SLF2: variants seen among roughly 807,000 people sequenced by gnomAD.
The protein encoded by SLF2 is SMC5/6 complex localization factor 2.
In SLF2, 68 loss-of-function variants were observed where a neutral mutation model predicts 124.3. The ratio of observed to expected loss-of-function variants is 0.55; its 90% CI spans 0.45 to 0.67. SLF2 has a LOEUF of 0.67. Among genes scored for constraint, SLF2 ranks in the 30% least tolerant of loss-of-function variants. The probability of loss-of-function intolerance (pLI) is 0.00; values close to 1 mark genes in which losing one functional copy is unlikely to be tolerated. For synonymous variants in SLF2, 480 were observed against 478.8 expected (o/e 1.00, Z -0.03); for missense variants, 1,246 against 1,373.7 (o/e 0.91, Z 1.47).
Position 100,961,990 on chromosome 10 carries a change from AC to A in SLF2, c.*79del. On this transcript the variant is annotated 3_prime_UTR_variant, in exon 20 of 20. Transcript: ENST00000238961. ...TCATAGAGGAGTAGAAAGGATTATT[AC>A]AGAATCCAATGAATGCCAAGAAAAT... The A allele has an allele frequency of 7.6e-7, 1 of 1,316,260 alleles. No homozygotes were observed. Among genetic ancestry groups the A allele is most frequent in the Non-Finnish European group, 1.1e-6 (1 of 942,004 alleles). 81.5% of individuals were successfully genotyped at this position (1,316,260 alleles called of 1,614,324 possible). A position where few individuals can be genotyped will look rare whatever the true frequency, so the allele number is the denominator to read the frequency against.
At position 100,938,716 on chromosome 10, in the gene SLF2, C is replaced by A. The variant is rs374005550; in HGVS notation, c.2634C>A (p.Asp878Glu). ...SLFPLENLQP[D>E]FNEDYLVSET... ...TTCCCCTGGAGAATCTTCAGCCAGA[C>A]TTTAATGAAGACTATCTAGTGTAAG... The change falls in exon 11 of 20, where the codon GAC (aspartate) becomes GAA (glutamate). Residue 878 changes from aspartate (D) to glutamate (E), a missense_variant. This residue lies in a region of SLF2 where 535 missense variants were observed against 632.8 expected (regional missense o/e 0.85). Coordinates refer to ENST00000238961, the MANE Select transcript of SLF2 (RefSeq NM_018121.4). 6.2e-7 allele frequency: 1 copy of A among 1,612,270 alleles called. No homozygotes were observed. The highest frequency in any genetic ancestry group is 1.3e-5 in the African/African-American group (1 of 74,950).
At chr10:100,921,420 A>G (rs1320720150) in intron 4 of SLF2, among the ~76,000 whole-genome samples, 1 of 152,166 alleles carries the variant, frequency 6.6e-6, no homozygotes, top group African/African-American at 2.4e-5. Context: ...TCTCTCTTAT[A>G]TGAATATTTT....
At chr10:100,920,291 T>C (rs879509680) in intron 4 of SLF2, among the ~76,000 whole-genome samples, 1 of 152,200 alleles carries the variant, frequency 6.6e-6, no homozygotes, top group African/African-American at 2.4e-5. Context: ...TTCCTTTTCT[T>C]TTTTCTCTGA....
intron 11 of SLF2, among the ~76,000 whole-genome samples, chr10:100,941,881 C>T (rs1849988714): frequency 6.6e-6 from 1 of 152,008 alleles, no homozygotes; most frequent in African/African-American, 2.4e-5. Flanking sequence ...TAGGAAGGGG[C>T]GCAAAGAAGT....
intron 9 of SLF2, among the ~76,000 whole-genome samples, chr10:100,932,079 T>C (rs1204406237): frequency 6.6e-6 from 1 of 152,140 alleles, no homozygotes; most frequent in Non-Finnish European, 1.5e-5. Context: ...CTATAGTAAC[T>C]ACTCAGTTAG....
chr10:100,952,667 A>G (rs1850241778), intron 17 of SLF2, among the ~76,000 whole-genome samples: 1 of 150,886 alleles, frequency 6.6e-6, no homozygotes, highest in South Asian at 2.1e-4. Flanking sequence ...GGTTGGGCAC[A>G]GTGGCTCACA....
chr10:100,938,496 C>A, intron 10 of SLF2, 99 bp from the exon 11 acceptor site: 1 of 1,181,978 alleles, frequency 8.5e-7, no homozygotes, highest in Non-Finnish European at 1.2e-6. Flanking sequence ...TTCTATAAAA[C>A]CATTGTAATT....
chr10:100,920,643 T>C (rs536947194), intron 4 of SLF2, among the ~76,000 whole-genome samples: 2 of 152,212 alleles, frequency 1.3e-5, no homozygotes, highest in Non-Finnish European at 2.9e-5. Flanking sequence ...TTATTGTGTC[T>C]GATAGCAAAA....
At chr10:100,921,544 G>C (rs1004897946) in intron 4 of SLF2, among the ~76,000 whole-genome samples, 1 of 152,160 alleles carries the variant, frequency 6.6e-6, no homozygotes, top group Non-Finnish European at 1.5e-5. Flanking sequence ...CTGACCTGAA[G>C]AGCTTGCTAA....
chr10:100,929,977 T>C lies in SLF2; in HGVS notation c.2313T>C (p.Ala771=), dbSNP rs1329137015. ...ACTCTGGTTTTATTGGACAAAGTGCTGTAGAAAAACTTATTCTTAAGTAAG... is the reference window on the plus strand; with the variant it reads ...ACTCTGGTTTTATTGGACAAAGTGCCGTAGAAAAACTTATTCTTAAGTAAG... ...LRDSGFIGQS[A]VEKLILKSGK... The change falls in exon 8 of 20, where the codon GCT becomes GCC. Residue 771 remains alanine (A), a synonymous_variant. Coordinates refer to ENST00000238961, the MANE Select transcript of SLF2 (RefSeq NM_018121.4). 2 of 1,533,600 alleles carry C rather than the reference T, an allele frequency of 1.3e-6. No individual in the cohort carries two copies. Among genetic ancestry groups the C allele is most frequent in the Non-Finnish European group, 1.8e-6 (2 of 1,142,574 alleles). The allele number at this position is 1,533,600 out of a possible 1,614,324, so 95.0% of individuals were successfully genotyped here. A position where few individuals can be genotyped will look rare whatever the true frequency, so the allele number is the denominator to read the frequency against.
Position 100,943,961 on chromosome 10 carries a change from A to G in SLF2, c.2655-65A>G, listed in dbSNP as rs1012685366. On this transcript the variant is annotated intron_variant, in intron 11 of 19. Coordinates refer to ENST00000238961, the MANE Select transcript of SLF2 (RefSeq NM_018121.4). ...ACATAGTTTTTAAAAAGTAGCCCAG[A>G]ATTTCTTAAAGTGAGTTATATATTT... is the stretch of plus-strand genomic sequence containing the variant. 8 of 1,022,184 alleles carry G rather than the reference A, an allele frequency of 7.8e-6. No homozygotes were observed. The African/African-American group carries it at 1.3e-4, about 17-fold the overall frequency. 63.3% of individuals were successfully genotyped at this position (1,022,184 alleles called of 1,614,324 possible).
chr10:100,915,885 T>C, intron 1 of SLF2, 114 bp from the exon 2 acceptor site: 2 of 837,242 alleles, frequency 2.4e-6, no homozygotes, highest in Non-Finnish European at 3.8e-6. Context: ...CAGAACTTTA[T>C]TAAACCAAAT....
intron 17 of SLF2, among the ~76,000 whole-genome samples, chr10:100,955,092 A>G (rs1850303780): frequency 6.6e-6 from 1 of 151,102 alleles, no homozygotes; most frequent in Non-Finnish European, 1.5e-5. Context: ...GGTACCCGCC[A>G]CCACGCCCGG....
At chr10:100,930,048 A>C in intron 8 of SLF2, 51 bp downstream of exon 8, 1 of 1,228,430 alleles carries the variant, frequency 8.1e-7, no homozygotes, top group Admixed American at 2.6e-5. Context: ...AAATTACTCT[A>C]AAACACTTCT....
rs773800548 is a variant in SLF2, at chr10:100,917,317, T to C, written c.915+17T>C. 5.7e-6 allele frequency: 9 copies of C among 1,582,628 alleles called. No individual in the cohort carries two copies. The highest frequency in any genetic ancestry group is 2.3e-5 in the South Asian group (2 of 86,154). On this transcript the variant is annotated intron_variant, in intron 3 of 19. Transcript: ENST00000238961. ...TCAAATGTGGTATGTGTAAGAATTA[T>C]TGAATTAGCATTGCTACTGCTATGT...
At chr10:100,937,070 A>T (rs1849878232) in intron 9 of SLF2, among the ~76,000 whole-genome samples, 1 of 151,952 alleles carries the variant, frequency 6.6e-6, no homozygotes, top group Non-Finnish European at 1.5e-5. Context: ...ATTTTATCTT[A>T]TTGTATTTTA....
chr10:100,961,321 G>A (rs1232854333), intron 19 of SLF2, among the ~76,000 whole-genome samples: 3 of 152,050 alleles, frequency 2.0e-5, no homozygotes, highest in African/African-American at 7.2e-5. Context: ...ATATTCTGTA[G>A]TTCTAGCAAG....
At chr10:100,937,502 T>A (rs1377161297) in intron 10 of SLF2, 25 bp downstream of exon 10, 1 of 1,344,930 alleles carries the variant, frequency 7.4e-7, no homozygotes, top group Non-Finnish European at 1.1e-6. Context: ...TTATTAAGAT[T>A]TACCGTGTGT....
chr10:100,933,807 T>A (rs1849793157), intron 9 of SLF2, among the ~76,000 whole-genome samples: 1 of 152,154 alleles, frequency 6.6e-6, no homozygotes, highest in African/African-American at 2.4e-5. Flanking sequence ...GCCTCTCAAG[T>A]AGCTGGGATT....
Sources: gnomAD v4.1 joint callset for allele counts (sites outside exome capture counted in the v4.1 genomes callset) on GRCh38, gnomAD v4.1.1 for gene constraint, gnomAD v4.1.1 regional missense constraint, MANE v1.5 for transcripts, NCBI Gene and HGNC (gene_info 2026-07-23, HGNC 2026-07-21) for gene names.